RANBP2: variants seen among roughly 807,000 people sequenced by gnomAD.
RANBP2 encodes E3 SUMO-protein ligase RanBP2.
In RANBP2, 57 loss-of-function variants were observed where a neutral mutation model predicts 303.6. That is an observed-to-expected ratio of 0.19 (90% CI 0.15 to 0.23). The LOEUF is 0.23. Among genes scored for constraint, RANBP2 ranks in the 10% least tolerant of loss-of-function variants. The probability of loss-of-function intolerance (pLI) is 1.00; values close to 1 mark genes in which losing one functional copy is unlikely to be tolerated. For synonymous variants in RANBP2, 1,167 were observed against 1,301.5 expected, an observed-to-expected ratio of 0.90 and a Z score of 2.23; for missense variants, 3,138 against 3,780.8, an observed-to-expected ratio of 0.83 and a Z score of 4.46.
chr2:109,329,859 TAA>T, the RANBP2 span, among the ~76,000 whole-genome samples: 1 of 152,124 alleles, frequency 6.6e-6, no homozygotes, highest in African/African-American at 2.4e-5. Context: ...AAGAGAGAAA[TAA>T]AAGTTATATG....
intron 25 of RANBP2, among the ~76,000 whole-genome samples, chr2:108,780,572 C>T (rs1678184855): frequency 6.6e-6 from 1 of 150,640 alleles, no homozygotes; most frequent in South Asian, 2.1e-4. Context: ...CTCTGTTGCC[C>T]AGGCTGGAGT....
At chr2:109,187,289 CCTGTTTAGTCTTTT>C in the RANBP2 span, among the ~76,000 whole-genome samples, 2 of 152,046 alleles carry the variant, frequency 1.3e-5, no homozygotes, top group African/African-American at 4.8e-5. Flanking sequence ...TCTGATGTGA[CCTGTTTAGTCTTTT>C]CTGTTTAGTC....
the RANBP2 span, among the ~76,000 whole-genome samples, chr2:109,003,616 G>T: frequency 6.6e-6 from 1 of 151,976 alleles, no homozygotes; most frequent in South Asian, 2.1e-4. Context: ...TCATAATGTT[G>T]CTCAGGCTGG....
the RANBP2 span, among the ~76,000 whole-genome samples, chr2:108,838,853 C>CA: frequency 6.6e-6 from 1 of 151,806 alleles, no homozygotes; most frequent in Non-Finnish European, 1.5e-5. Flanking sequence ...TATGCCATGG[C>CA]AATAAATATA....
chr2:108,954,896 C>T, the RANBP2 span, among the ~76,000 whole-genome samples: 1 of 152,036 alleles, frequency 6.6e-6, no homozygotes, highest in Non-Finnish European at 1.5e-5. Flanking sequence ...GTTGGCCAGG[C>T]TGGCCTTGAA....
chr2:109,230,890 TG>T, the RANBP2 span, among the ~76,000 whole-genome samples: 2 of 152,212 alleles, frequency 1.3e-5, no homozygotes, highest in African/African-American at 4.8e-5. Context: ...TTGGGGGCTT[TG>T]GGGGCTTCTC....
chr2:108,959,185 G>A, the RANBP2 span, among the ~76,000 whole-genome samples: 2 of 152,232 alleles, frequency 1.3e-5, no homozygotes, highest in African/African-American at 4.8e-5. Flanking sequence ...CAGGTGGCCC[G>A]AGGAAAGCCA....
At chr2:109,604,384 A>AGGGGG in the RANBP2 span, among the ~76,000 whole-genome samples, 1 of 4,656 alleles carries the variant, frequency 2.1e-4, no homozygotes, top group Non-Finnish European at 4.3e-4. Context: ...AGGGAAGGGA[A>AGGGGG]GGGGAGGGGC....
the RANBP2 span, among the ~76,000 whole-genome samples, chr2:109,261,097 A>G: frequency 7.2e-5 from 11 of 152,308 alleles, no homozygotes; most frequent in South Asian, 1.0e-3. Context: ...ATTTCTGCCA[A>G]GACGCCCAAT....
chr2:109,321,836 A>T, the RANBP2 span, among the ~76,000 whole-genome samples: 1 of 152,212 alleles, frequency 6.6e-6, no homozygotes, highest in Admixed American at 6.5e-5. Flanking sequence ...GGCCATGACA[A>T]TCCCAAGGTT....
the RANBP2 span, among the ~76,000 whole-genome samples, chr2:109,175,460 G>A: frequency 6.6e-6 from 1 of 152,192 alleles, no homozygotes; most frequent in East Asian, 1.9e-4. Context: ...TTCACGAGTT[G>A]GCAGGTGGTT....
the RANBP2 span, chr2:109,553,299 C>G: frequency 2.8e-6 from 4 of 1,453,380 alleles, no homozygotes; most frequent in Non-Finnish European, 3.8e-6. Flanking sequence ...AATCCCAACA[C>G]TTTGGGAGGC....
the RANBP2 span, among the ~76,000 whole-genome samples, chr2:108,890,508 G>T: frequency 6.6e-6 from 1 of 152,134 alleles, no homozygotes; most frequent in Non-Finnish European, 1.5e-5. Context: ...GCCTCCCAAA[G>T]TGCTGGGATT....
At chr2:109,181,575 G>T in the RANBP2 span, among the ~76,000 whole-genome samples, 1 of 152,162 alleles carries the variant, frequency 6.6e-6, no homozygotes, top group Non-Finnish European at 1.5e-5. Context: ...ACTTTCACCA[G>T]ATTCCTCTTT....
chr2:109,445,771 A>G, the RANBP2 span, among the ~76,000 whole-genome samples: 1 of 152,066 alleles, frequency 6.6e-6, no homozygotes, highest in Non-Finnish European at 1.5e-5. Flanking sequence ...GTTGGCTTGG[A>G]GTTGTGGGAG....
the RANBP2 span, among the ~76,000 whole-genome samples, chr2:109,097,315 AAAAACAAAACAAAACAAAAC>A: frequency 0.021 from 3,195 of 148,966 alleles, 61 homozygotes; most frequent in Non-Finnish European, 0.029. Context: ...AAACAAAACA[AAAAACAAAACAAAACAAAAC>A]AAAACAAAAC....
At chr2:109,614,415 G>T in the RANBP2 span, 8 of 1,093,240 alleles carry the variant, frequency 7.3e-6, no homozygotes, top group South Asian at 3.3e-4. Context: ...CCGCCGTCGG[G>T]AGCCGGCCGC....
At chr2:109,318,566 T>C in the RANBP2 span, among the ~76,000 whole-genome samples, 3 of 152,168 alleles carry the variant, frequency 2.0e-5, no homozygotes, top group South Asian at 2.1e-4. Flanking sequence ...GGTGTGTTGG[T>C]TCAAAGTCAT....
the RANBP2 span, among the ~76,000 whole-genome samples, chr2:109,255,178 G>A: frequency 6.6e-6 from 1 of 152,154 alleles, no homozygotes; most frequent in Non-Finnish European, 1.5e-5. Flanking sequence ...TGCTTTGTGT[G>A]TGTGGCATTT....
Sources: gnomAD v4.1 joint callset for allele counts (sites outside exome capture counted in the v4.1 genomes callset) on GRCh38, gnomAD v4.1.1 for gene constraint, MANE v1.5 for transcripts, NCBI Gene and HGNC (gene_info 2026-07-23, HGNC 2026-07-21) for gene names.